The following LPAR6 variants were observed in gnomAD, a reference collection of about 807,000 sequenced individuals.
LPAR6 encodes G-protein coupled purinergic receptor P2Y5.
Under a neutral mutation model 22.0 loss-of-function variants are expected in LPAR6, and 17 were observed. That is an observed-to-expected ratio of 0.77 (90% CI 0.53 to 1.16). The LOEUF (loss-of-function observed/expected upper bound fraction) is 1.16. Among genes scored for constraint, LPAR6 ranks in the 50% most tolerant of loss-of-function variants. The pLI is 0.00. For synonymous variants in LPAR6, 136 were observed against 139.8 expected, an observed-to-expected ratio of 0.97 and a Z score of 0.19; for missense variants, 384 against 406.9, an observed-to-expected ratio of 0.94 and a Z score of 0.48.
downstream of LPAR6, among the ~76,000 whole-genome samples, chr13:48,410,668 C>G (rs2138195945): frequency 6.6e-6 from 1 of 152,110 alleles, no homozygotes; most frequent in South Asian, 2.1e-4. Context: ...TTAGTTTTCT[C>G]CCTCTCAATT....
chr13:48,421,733 A>T (rs1220496066), intron 2 of LPAR6, among the ~76,000 whole-genome samples: 1 of 152,236 alleles, frequency 6.6e-6, no homozygotes, highest in East Asian at 1.9e-4. Context: ...TTCTCAAAAG[A>T]AGACATTTAT....
At chr13:48,398,494 A>T (rs1008091044) in intron 1 of LPAR6, among the ~76,000 whole-genome samples, 5 of 151,852 alleles carry the variant, frequency 3.3e-5, no homozygotes, top group African/African-American at 9.7e-5. Flanking sequence ...TTTCTTTCTC[A>T]ATAGTTTGAT....
rs1330976768 is a variant in LPAR6, at chr13:48,405,364, T to C, written n.114+10336A>G. ...ATTAACAAAAGAAAATTTGCCTTTT[T>C]TCCTCGGGCTTTTGAAGAATTTTAA... On this transcript the variant is annotated intron_variant and non_coding_transcript_variant, in intron 1 of 1. Coordinates refer to the LPAR6 transcript ENST00000462781. 2.0e-5 allele frequency among the ~76,000 whole-genome samples: 3 copies of C among 152,224 alleles called. No homozygotes were observed. The South Asian group carries it at 6.2e-4, about 32-fold the overall frequency.
intron 1 of LPAR6, among the ~76,000 whole-genome samples, chr13:48,426,000 A>T (rs960008563): frequency 7.2e-5 from 11 of 152,196 alleles, no homozygotes; most frequent in Admixed American, 2.0e-4. Flanking sequence ...AGTTCCTTAT[A>T]CATGTTTGTA....
upstream of LPAR6, among the ~76,000 whole-genome samples, chr13:48,428,819 C>A (rs1176774802): frequency 6.6e-6 from 1 of 152,110 alleles, no homozygotes; most frequent in South Asian, 2.1e-4. Context: ...ATAATTAGAA[C>A]AAGGGTTTTC....
At chr13:48,437,411 G>T (rs547526000) in intron 1 of LPAR6, among the ~76,000 whole-genome samples, 52 of 152,300 alleles carry the variant, frequency 3.4e-4, no homozygotes, top group Middle Eastern at 3.4e-3. Context: ...TTAATTATCT[G>T]TTAGAACAAC....
chr13:48,402,776 T>A (rs1355016099), intron 1 of LPAR6, among the ~76,000 whole-genome samples: 1 of 152,164 alleles, frequency 6.6e-6, no homozygotes, highest in East Asian at 1.9e-4. Context: ...GAATCATGTG[T>A]GTTTCAGTCT....
chr13:48,422,171 C>T (rs569711820), intron 2 of LPAR6, among the ~76,000 whole-genome samples: 8 of 152,228 alleles, frequency 5.3e-5, no homozygotes, highest in Middle Eastern at 3.4e-3. Flanking sequence ...TATATACCAT[C>T]GAATACTATG....
At position 48,411,834 on chromosome 13, in the gene LPAR6, A is replaced by G; in HGVS notation, c.590T>C (p.Leu197Pro). 1.2e-6 allele frequency: 2 copies of G among 1,613,118 alleles called. No homozygotes were observed. Among genetic ancestry groups the G allele is most frequent in the Non-Finnish European group, 8.5e-7 (1 of 1,179,078 alleles). The change falls in exon 1 of 1, where the codon CTA becomes CCA. Residue 197 changes from leucine (L) to proline (P), a missense_variant. By Grantham distance (98) the Leu-to-Pro change is moderately conservative. Transcript: ENST00000620633. ...ACTAGAACAAGTTACATTTAAAATT[A>G]GAGGAATAAAAAATCCCACTATTTC... ...FIEIVGFFIP[L>P]ILNVTCSSMV...
upstream of LPAR6, among the ~76,000 whole-genome samples, chr13:48,417,714 A>G (rs182532156): frequency 9.6e-4 from 146 of 152,326 alleles, no homozygotes; most frequent in African/African-American, 3.4e-3. Context: ...GCTGAAAAAC[A>G]CAGCACAAGA....
rs1936713369 is a variant in LPAR6 at position 48,412,522 on chromosome 13, C to G, written c.-99G>C. On this transcript the variant is annotated 5_prime_UTR_variant, in exon 1 of 1. Transcript: ENST00000620633. ...ACCTCTATAACCTCCAATTTATTTG[C>G]AAATTATCTGGATCTTTGGATGGTT... The G allele has an allele frequency of 1.2e-6, 1 of 806,442 alleles. No homozygotes were observed. The highest frequency in any genetic ancestry group is 2.2e-6 in the Non-Finnish European group (1 of 449,692). 50.0% of individuals were successfully genotyped at this position (806,442 alleles called of 1,614,324 possible). A position where few individuals can be genotyped will look rare whatever the true frequency, so the allele number is the denominator to read the frequency against.
At chr13:48,390,469 A>G (rs2138157967) in intron 1 of LPAR6, among the ~76,000 whole-genome samples, 1 of 152,312 alleles carries the variant, frequency 6.6e-6, no homozygotes, top group South Asian at 2.1e-4. Flanking sequence ...GCAAGGAGGA[A>G]TGTGACTGAA....
At chr13:48,421,492 G>A (rs1249503242) in intron 2 of LPAR6, among the ~76,000 whole-genome samples, 3 of 152,146 alleles carry the variant, frequency 2.0e-5, no homozygotes, top group East Asian at 3.8e-4. Flanking sequence ...AAAAGCAATG[G>A]TAACAAAAGC....
intron 1 of LPAR6, among the ~76,000 whole-genome samples, chr13:48,439,187 A>C (rs1167072535): frequency 6.6e-6 from 1 of 152,220 alleles, no homozygotes; most frequent in African/African-American, 2.4e-5. Context: ...TCAGCCATAT[A>C]ATATGGGGCA....
At chr13:48,391,803 G>C (rs1011525949) in intron 1 of LPAR6, among the ~76,000 whole-genome samples, 1 of 151,686 alleles carries the variant, frequency 6.6e-6, no homozygotes, top group Non-Finnish European at 1.5e-5. Flanking sequence ...ATTTTTAGTA[G>C]AGAAAGGGTT....
chr13:48,409,051 A>G (rs185803159), downstream of LPAR6, among the ~76,000 whole-genome samples: 4 of 152,206 alleles, frequency 2.6e-5, no homozygotes, highest in East Asian at 1.9e-4. Context: ...TTTCAGGTCA[A>G]TGGAAGAAAA....
chr13:48,391,079 T>C (rs1684708046), intron 1 of LPAR6, among the ~76,000 whole-genome samples: 1 of 152,162 alleles, frequency 6.6e-6, no homozygotes, highest in Non-Finnish European at 1.5e-5. Context: ...ATTTTTAAAA[T>C]TCTGTTTTAT....
upstream of LPAR6, chr13:48,415,607 G>A (rs1013914049): frequency 6.6e-6 from 1 of 152,018 alleles, no homozygotes; most frequent in Non-Finnish European, 1.5e-5. Flanking sequence ...TAATGTTTGA[G>A]TTACTGGGGC....
At chr13:48,419,095 G>A (rs1308073825) in intron 2 of LPAR6, among the ~76,000 whole-genome samples, 1 of 152,134 alleles carries the variant, frequency 6.6e-6, no homozygotes, top group Admixed American at 6.5e-5. Context: ...ATTCTTCTTA[G>A]CACCACATCA....
Sources: allele counts gnomAD v4.1 joint callset (sites outside exome capture counted in the v4.1 genomes callset), GRCh38; gene constraint gnomAD v4.1.1; transcripts MANE v1.5; gene names NCBI Gene and HGNC (gene_info 2026-07-23, HGNC 2026-07-21).